NFKB1: variants seen among roughly 807,000 people sequenced by gnomAD.
NFKB1 encodes the protein nuclear factor kappa B subunit 1, also known as nuclear factor NF-kappa-B p105 subunit.
Under a neutral mutation model 105.1 loss-of-function variants are expected in NFKB1, and 9 were observed. That is an observed-to-expected ratio of 0.09 (90% CI 0.05 to 0.15). NFKB1 has a LOEUF of 0.15. Among genes scored for constraint, NFKB1 ranks in the 10% least tolerant of loss-of-function variants. The pLI is 1.00. For missense variants in NFKB1, 830 were observed against 1,203.7 expected (o/e 0.69, Z 4.59); for synonymous variants, 440 against 442.2 (o/e 1.00, Z 0.06).
At chr4:102,602,029 A>G (rs1044866595) in intron 16 of NFKB1, among the ~76,000 whole-genome samples, 2 of 152,104 alleles carry the variant, frequency 1.3e-5, no homozygotes, top group East Asian at 1.9e-4. Context: ...TCTCACTCCA[A>G]AACTATGGCC....
intron 5 of NFKB1, among the ~76,000 whole-genome samples, chr4:102,546,428 G>A (rs1294229234): frequency 2.1e-4 from 32 of 151,934 alleles, no homozygotes. Context: ...TTAAAATATC[G>A]ATTTTATTCC....
At chr4:102,594,749 G>A (rs750212984) in intron 12 of NFKB1, 143 bp from the exon 13 acceptor site, 18 of 551,286 alleles carry the variant, frequency 3.3e-5, no homozygotes, top group Non-Finnish European at 6.0e-5. Flanking sequence ...ATGTGTCTTA[G>A]TCCCAACAGA....
chr4:102,607,406 G>T, intron 18 of NFKB1, 87 bp downstream of exon 18: 1 of 1,411,950 alleles, frequency 7.1e-7, no homozygotes, highest in Admixed American at 1.8e-5. Flanking sequence ...AGTAGCTGCT[G>T]TTCTCCCTTA....
chr4:102,531,613 G>A (rs965415726), intron 3 of NFKB1, among the ~76,000 whole-genome samples: 1 of 152,152 alleles, frequency 6.6e-6, no homozygotes, highest in Non-Finnish European at 1.5e-5. Context: ...TCTCTGCACA[G>A]TGGAATGTCC....
Position 102,591,337 on chromosome 4 carries a change from T to C in NFKB1, c.1067-2088T>C, listed in dbSNP as rs151202548. On this transcript the variant is annotated intron_variant, in intron 11 of 23. Coordinates refer to ENST00000226574, the MANE Select transcript of NFKB1 (RefSeq NM_003998.4). ...CAGGAGGTTGAGGTGGGAGGATCAC[T>C]TGAACACAGAAGGTCGAGGCTGCAG... Among the ~76,000 whole-genome samples, 83 of 149,794 alleles carry C rather than the reference T, an allele frequency of 5.5e-4. 1 individual carries two copies. In the Middle Eastern group the frequency reaches 0.024, roughly 43 times the overall value.
intron 4 of NFKB1, among the ~76,000 whole-genome samples, chr4:102,534,564 G>A (rs918585615): frequency 6.6e-6 from 1 of 152,112 alleles, no homozygotes; most frequent in Non-Finnish European, 1.5e-5. Flanking sequence ...AATTGGATGG[G>A]ACCAATGCTG....
intron 11 of NFKB1, among the ~76,000 whole-genome samples, chr4:102,585,674 A>G (rs1440565702): frequency 6.6e-6 from 1 of 152,232 alleles, no homozygotes; most frequent in Non-Finnish European, 1.5e-5. Context: ...CCGAAAGTGA[A>G]GCATCCATAA....
intron 15 of NFKB1, among the ~76,000 whole-genome samples, chr4:102,598,999 G>C (rs991546603): frequency 6.6e-6 from 1 of 152,128 alleles, no homozygotes; most frequent in Admixed American, 6.5e-5. Context: ...CAAGTCTCTT[G>C]TTTTAATTCA....
intron 23 of NFKB1, 142 bp from the exon 24 acceptor site, chr4:102,616,292 G>A: frequency 4.9e-6 from 4 of 815,410 alleles, no homozygotes; most frequent in Non-Finnish European, 7.9e-6. Flanking sequence ...TCCCACCACG[G>A]TGAGCAGTCA....
At chr4:102,573,412 A>G (rs1029876807) in intron 6 of NFKB1, among the ~76,000 whole-genome samples, 22 of 152,234 alleles carry the variant, frequency 1.4e-4, no homozygotes, top group African/African-American at 5.1e-4. Context: ...TCACCTGTCA[A>G]TCTAATCTTT....
intron 1 of NFKB1, among the ~76,000 whole-genome samples, chr4:102,522,168 G>A (rs1246821875): frequency 1.3e-5 from 2 of 152,142 alleles, no homozygotes; most frequent in Non-Finnish European, 1.5e-5. Context: ...CGCTTAGTTG[G>A]TATTTCAACA....
chr4:102,562,034 A>G (rs552207331), intron 5 of NFKB1, among the ~76,000 whole-genome samples: 2 of 152,152 alleles, frequency 1.3e-5, no homozygotes, highest in Admixed American at 1.3e-4. Context: ...GTGCTTCTCA[A>G]TAGGGAAGTG....
In NFKB1 at chr4:102,565,995, A is replaced by G. The variant is rs1723835233; in HGVS notation, c.259-992A>G. ...GTGAGGAGATTATAGTGCATTTCCA[A>G]GTATTTAGCTGAATTTATCACAGGG... On this transcript the variant is annotated intron_variant, in intron 5 of 23. Coordinates refer to ENST00000226574, the MANE Select transcript of NFKB1 (RefSeq NM_003998.4). 3.9e-5 allele frequency among the ~76,000 whole-genome samples: 6 copies of G among 152,272 alleles called. No individual in the cohort carries two copies. In the South Asian group the frequency reaches 1.2e-3, roughly 32 times the overall value.
At chr4:102,509,922 C>T (rs1295439762) in intron 1 of NFKB1, among the ~76,000 whole-genome samples, 1 of 152,158 alleles carries the variant, frequency 6.6e-6, no homozygotes, top group Non-Finnish European at 1.5e-5. Context: ...TGCAGTGAAT[C>T]CCAGTTGTCT....
intron 5 of NFKB1, among the ~76,000 whole-genome samples, chr4:102,542,772 A>G (rs1334094282): frequency 6.6e-6 from 1 of 152,208 alleles, no homozygotes; most frequent in African/African-American, 2.4e-5. Context: ...ACTGGACGCC[A>G]TTGAAGATTA....
rs1330721415 is a variant in NFKB1 at position 102,607,636 on chromosome 4, G to A, written c.2125-13G>A. Reference sequence around the variant, plus strand: ...CCTTCCACTAACGCTTTCTTGTGTGGGCTGGATTGTAGGGTGATGCCCATG... The same window carrying A: ...CCTTCCACTAACGCTTTCTTGTGTGAGCTGGATTGTAGGGTGATGCCCATG... On this transcript the variant is annotated splice_polypyrimidine_tract_variant and intron_variant, in intron 18 of 23. Coordinates refer to ENST00000226574, the MANE Select transcript of NFKB1 (RefSeq NM_003998.4). 1 of 1,613,234 alleles carries A rather than the reference G, an allele frequency of 6.2e-7. No individual in the cohort carries two copies. The highest frequency in any genetic ancestry group is 1.7e-5 in the Admixed American group (1 of 60,004).
At chr4:102,508,886 G>C (rs909219977) in intron 1 of NFKB1, among the ~76,000 whole-genome samples, 25 of 152,028 alleles carry the variant, frequency 1.6e-4, no homozygotes, top group African/African-American at 6.0e-4. Flanking sequence ...ATAAATAAAA[G>C]GACAAATCAT....
intron 6 of NFKB1, among the ~76,000 whole-genome samples, chr4:102,571,557 T>A (rs539845667): frequency 2.6e-5 from 4 of 152,274 alleles, no homozygotes; most frequent in East Asian, 1.9e-4. Context: ...ACCTACAGAA[T>A]GGGAGAAAAT....
chr4:102,532,289 A>G (rs1006270958), intron 3 of NFKB1, among the ~76,000 whole-genome samples: 6 of 152,026 alleles, frequency 3.9e-5, no homozygotes, highest in Non-Finnish European at 7.4e-5. Flanking sequence ...TGTTTTCTCC[A>G]GTTCTCTAGC....
Sources: gnomAD v4.1 joint callset for allele counts (sites outside exome capture counted in the v4.1 genomes callset) on GRCh38, gnomAD v4.1.1 for gene constraint, MANE v1.5 for transcripts, NCBI Gene and HGNC (gene_info 2026-07-23, HGNC 2026-07-21) for gene names.